Variants in PMS1 observed in about 807,000 individuals in gnomAD.
The protein encoded by PMS1 is PMS1 protein homolog 1.
A neutral mutation model predicts 93.1 loss-of-function variants in PMS1; 79 were observed. That is an observed-to-expected ratio of 0.85 (90% confidence interval 0.71 to 1.02). The LOEUF is 1.02. PMS1 is among the 50% of genes least tolerant of loss of function. PMS1 has a pLI of 0.00. For synonymous variants in PMS1, 335 were observed against 363.4 expected (o/e 0.92, Z 0.89); for missense variants, 1,064 against 1,085.3 (o/e 0.98, Z 0.28).
At chr2:189,786,733 T>C (rs1313391143) in intron 1 of PMS1, among the ~76,000 whole-genome samples, 2 of 152,218 alleles carry the variant, frequency 1.3e-5, no homozygotes, top group Non-Finnish European at 2.9e-5. Flanking sequence ...ATTACTTTTA[T>C]TATCAAACAA....
rs1412018264 is a variant in PMS1, at chr2:189,854,963, A to C, written c.1691A>C (p.Asp564Ala). The C allele has an allele frequency of 3.1e-6, 5 of 1,612,950 alleles. No homozygotes were observed. Among genetic ancestry groups the C allele is most frequent in the Non-Finnish European group, 4.2e-6 (5 of 1,179,028 alleles). Residue 564 changes from aspartate to alanine, a missense_variant, in exon 9 of 13, where the codon GAT becomes GCT. Physicochemically the swap from Asp to Ala is moderately radical, Grantham distance 126. Coordinates refer to ENST00000441310, the MANE Select transcript of PMS1 (RefSeq NM_000534.5). ...AAATCTGGAAAAGTTACAGCTTATG[A>C]TTTACTTAGCAATCGAGTAATCAAG... ...DNKSGKVTAY[D>A]LLSNRVIKKP...
intron 12 of PMS1, among the ~76,000 whole-genome samples, chr2:189,875,843 C>T (rs1026038825): frequency 6.6e-6 from 1 of 151,090 alleles, no homozygotes; most frequent in Admixed American, 6.6e-5. Flanking sequence ...ATCCCAGCTA[C>T]TCAGGAGGCT....
At position 189,818,222 on chromosome 2, in the gene PMS1, A is replaced by G. The variant is rs56132913; in HGVS notation, c.582+42A>G. The stretch of plus-strand genomic sequence containing the variant: ...CTTTATAAGTTTCTGGGTATATGAT[A>G]TAATAAACAATGTATACTTTATAAA... On this transcript the variant is annotated intron_variant, in intron 5 of 12. Coordinates refer to ENST00000441310, the MANE Select transcript of PMS1 (RefSeq NM_000534.5). 202 of 1,232,204 alleles carry G rather than the reference A, an allele frequency of 1.6e-4. 1 individual carries two copies. In the East Asian group the frequency reaches 3.9e-3, roughly 24 times the overall value. 76.3% of individuals were successfully genotyped at this position (1,232,204 alleles called of 1,614,324 possible). A position where few individuals can be genotyped will look rare whatever the true frequency, so the allele number is the denominator to read the frequency against.
intron 10 of PMS1, 140 bp downstream of exon 10, chr2:189,864,368 G>T (rs747215330): frequency 5.4e-6 from 4 of 739,544 alleles, no homozygotes; most frequent in Non-Finnish European, 9.2e-6. Context: ...TTAAACATTT[G>T]ATTTCTAGGC....
At chr2:189,844,916 G>C (rs911117552) in intron 6 of PMS1, among the ~76,000 whole-genome samples, 1 of 151,402 alleles carries the variant, frequency 6.6e-6, no homozygotes, top group African/African-American at 2.4e-5. Flanking sequence ...GGAGTGCAGT[G>C]GTGGGATCTC....
chr2:189,816,114 C>G (rs1383698284), intron 4 of PMS1, among the ~76,000 whole-genome samples: 1 of 152,172 alleles, frequency 6.6e-6, no homozygotes. Flanking sequence ...CCAGTCTGGT[C>G]TCTACTTCCT....
At chr2:189,860,902 GCTT>G (rs1236811529) in intron 9 of PMS1, among the ~76,000 whole-genome samples, 3 of 131,216 alleles carry the variant, frequency 2.3e-5, no homozygotes, top group Non-Finnish European at 4.6e-5. Context: ...TGCAACTCTG[GCTT>G]CTTATGCTTA....
chr2:189,814,940 A>G (rs960185941), intron 4 of PMS1, among the ~76,000 whole-genome samples: 2 of 152,038 alleles, frequency 1.3e-5, no homozygotes, highest in Admixed American at 6.5e-5. Flanking sequence ...TACCAAAAAA[A>G]TACAAAAAAT....
In PMS1 at chr2:189,847,773, C is replaced by T. The variant is rs115568713; in HGVS notation, c.699+3693C>T. Among the ~76,000 whole-genome samples, 641 of 152,232 alleles carry T rather than the reference C, an allele frequency of 4.2e-3. 19 individuals carry two copies. The highest frequency in any genetic ancestry group is 5.0e-3 in the Non-Finnish European group (338 of 68,028). On this transcript the variant is annotated intron_variant, in intron 6 of 12. Transcript: ENST00000441310. ...GTGTTGAGTAATTAAGGTCCTAATT[C>T]TGTTCCTGGAGTTGTGCTAAGCAGT...
At chr2:189,795,246 G>A (rs1028263817) in intron 2 of PMS1, among the ~76,000 whole-genome samples, 7 of 152,048 alleles carry the variant, frequency 4.6e-5, no homozygotes, top group Non-Finnish European at 8.8e-5. Flanking sequence ...AAGGGAGAAA[G>A]TATTAAATAT....
At chr2:189,847,726 T>G (rs1382319300) in intron 6 of PMS1, among the ~76,000 whole-genome samples, 2 of 152,206 alleles carry the variant, frequency 1.3e-5, no homozygotes, top group African/African-American at 4.8e-5. Flanking sequence ...GCTGGGCTTA[T>G]TCACTGTCAG....
chr2:189,868,110 G>A (rs1037446260), intron 11 of PMS1, among the ~76,000 whole-genome samples, 181 bp downstream of exon 11: 8 of 152,136 alleles, frequency 5.3e-5, no homozygotes, highest in African/African-American at 1.7e-4. Flanking sequence ...AGTAAGTTTG[G>A]CATCTCTTTC....
At chr2:189,860,557 G>A (rs1345691046) in intron 9 of PMS1, among the ~76,000 whole-genome samples, 1 of 151,712 alleles carries the variant, frequency 6.6e-6, no homozygotes, top group African/African-American at 2.4e-5. Flanking sequence ...AAATATTTGG[G>A]GCTTTTCCGG....
chr2:189,852,135 G>A (rs1355925948), intron 6 of PMS1, among the ~76,000 whole-genome samples: 1 of 151,904 alleles, frequency 6.6e-6, no homozygotes, highest in Non-Finnish European at 1.5e-5. Flanking sequence ...TCAGTATTTA[G>A]CCCTGAGGAA....
chr2:189,812,776 C>A (rs986072042), intron 4 of PMS1, among the ~76,000 whole-genome samples: 4 of 151,922 alleles, frequency 2.6e-5, no homozygotes, highest in African/African-American at 9.7e-5. Flanking sequence ...AGCTAAAAAG[C>A]CAATTAAAGC....
intron 9 of PMS1, among the ~76,000 whole-genome samples, chr2:189,856,481 T>C (rs2055353564): frequency 1.3e-5 from 2 of 152,166 alleles, no homozygotes; most frequent in Admixed American, 1.3e-4. Context: ...TTCAAATTTA[T>C]AATTGTTTCA....
At chr2:189,834,563 G>A (rs2053227176) in intron 5 of PMS1, among the ~76,000 whole-genome samples, 1 of 152,138 alleles carries the variant, frequency 6.6e-6, no homozygotes, top group South Asian at 2.1e-4. Flanking sequence ...ATGGAGAAGA[G>A]GGTCTAGGCA....
In PMS1 at chr2:189,818,046, A is replaced by G. The variant is rs2051481115; in HGVS notation, c.448A>G (p.Lys150Glu). The change falls in exon 5 of 13, where the codon AAG (lysine) becomes GAG (glutamate). Residue 150 changes from lysine to glutamate, a missense_variant. Physicochemically the swap from Lys to Glu is moderately conservative, Grantham distance 56. Transcript: ENST00000441310. ...GTTVTALRLFKNLPVRKQFYS... is the reference protein window; with the variant it reads ...GTTVTALRLFENLPVRKQFYS... ...AACTGTAACTGCTTTAAGATTATTT[A>G]AGAATCTACCTGTAAGAAAGCAGTT... 1.2e-6 allele frequency: 2 copies of G among 1,610,136 alleles called. No individual in the cohort carries two copies. Among genetic ancestry groups the G allele is most frequent in the Admixed American group, 3.3e-5 (2 of 59,962 alleles).
chr2:189,815,741 T>A (rs1423804906), intron 4 of PMS1, among the ~76,000 whole-genome samples: 1 of 152,146 alleles, frequency 6.6e-6, no homozygotes, highest in Non-Finnish European at 1.5e-5. Context: ...TAACATTGAG[T>A]TACAAGCTAC....
Sources: gnomAD v4.1 joint callset for allele counts (sites outside exome capture counted in the v4.1 genomes callset) on GRCh38, gnomAD v4.1.1 for gene constraint, MANE v1.5 for transcripts, NCBI Gene and HGNC (gene_info 2026-07-23, HGNC 2026-07-21) for gene names.